APLF: variants seen among roughly 807,000 people sequenced by gnomAD.
The protein encoded by APLF is aprataxin and PNK-like factor.
APLF carries 61 observed loss-of-function variants against 55.6 expected under a neutral mutation model. The ratio of observed to expected loss-of-function variants is 1.10; its 90% CI spans 0.89 to 1.36. The LOEUF is 1.36. Among genes scored for constraint, APLF ranks in the 40% most tolerant of loss-of-function variants. The pLI, the probability that APLF is intolerant of heterozygous loss-of-function variation, is 0.00. For synonymous variants in APLF, 207 were observed against 214.8 expected, an observed-to-expected ratio of 0.96 and a Z score of 0.32; for missense variants, 611 against 602.5, an observed-to-expected ratio of 1.01 and a Z score of -0.15.
chr2:68,521,239 G>A (rs1489330179), intron 5 of APLF, among the ~76,000 whole-genome samples: 2 of 151,796 alleles, frequency 1.3e-5, no homozygotes, highest in Admixed American at 1.3e-4. Context: ...TTGTTTGGAT[G>A]CATCTCTTGG....
intron 3 of APLF, among the ~76,000 whole-genome samples, chr2:68,507,512 C>T (rs1408047960): frequency 1.3e-5 from 2 of 151,866 alleles, no homozygotes; most frequent in African/African-American, 4.8e-5. Context: ...ACATATGTGT[C>T]TATGAAATTA....
chr2:68,558,209 G>T (rs1573262039), intron 8 of APLF, among the ~76,000 whole-genome samples: 1 of 152,058 alleles, frequency 6.6e-6, no homozygotes, highest in Non-Finnish European at 1.5e-5. Flanking sequence ...TTCATTTAAT[G>T]TGCATTAATT....
chr2:68,472,213 G>A (rs1675638569), intron 1 of APLF, among the ~76,000 whole-genome samples: 1 of 152,152 alleles, frequency 6.6e-6, no homozygotes, highest in Non-Finnish European at 1.5e-5. Flanking sequence ...ACCTGAAAGA[G>A]TGCCTGGCTC....
At chr2:68,482,241 C>A (rs533372571) in intron 1 of APLF, among the ~76,000 whole-genome samples, 2 of 152,026 alleles carry the variant, frequency 1.3e-5, no homozygotes, top group Non-Finnish European at 2.9e-5. Flanking sequence ...GTAGCTTTCA[C>A]AGGGAAAGAC....
At chr2:68,500,153 G>T (rs1300169190) in intron 2 of APLF, among the ~76,000 whole-genome samples, 1 of 152,108 alleles carries the variant, frequency 6.6e-6, no homozygotes, top group Non-Finnish European at 1.5e-5. Flanking sequence ...TAGCATTTTA[G>T]TTGGAGTATA....
At chr2:68,500,308 A>G (rs1234059084) in intron 2 of APLF, among the ~76,000 whole-genome samples, 1 of 152,194 alleles carries the variant, frequency 6.6e-6, no homozygotes, top group Non-Finnish European at 1.5e-5. Flanking sequence ...AAAGGAAAAG[A>G]TGATCATGGA....
chr2:68,527,809 C>T (rs1670116493), intron 6 of APLF, among the ~76,000 whole-genome samples: 1 of 150,258 alleles, frequency 6.7e-6, no homozygotes. Flanking sequence ...CTCCTCACTG[C>T]CCAGATGGTG....
rs1039152342 is a variant in APLF, at chr2:68,578,452, C to T, written c.*430C>T. On this transcript the variant is annotated 3_prime_UTR_variant, in exon 10 of 10. Transcript: ENST00000303795. ...ATTGTTACTGAAGTAATTCTGTAAG[C>T]AGAACCAGGCTTTAAAAAATGCAGC... 5.0e-5 allele frequency: 49 copies of T among 987,486 alleles called. No homozygotes were observed. The highest frequency in any genetic ancestry group is 5.5e-5 in the Non-Finnish European group (46 of 831,586). 61.2% of individuals were successfully genotyped at this position (987,486 alleles called of 1,614,324 possible).
At chr2:68,515,809 A>G (rs1669562895) in intron 5 of APLF, 1 of 899,152 alleles carries the variant, frequency 1.1e-6, no homozygotes, top group Non-Finnish European at 1.3e-6. Context: ...TAATTCCTTT[A>G]AAGACAGTTT....
At chr2:68,506,323 C>T (rs1033133508) in intron 3 of APLF, among the ~76,000 whole-genome samples, 11 of 143,388 alleles carry the variant, frequency 7.7e-5, no homozygotes, top group South Asian at 6.2e-4. Flanking sequence ...GATGTCTACC[C>T]GGGGGAGGCA....
intron 3 of APLF, among the ~76,000 whole-genome samples, chr2:68,508,952 C>G (rs1032174634): frequency 6.6e-5 from 10 of 151,934 alleles, no homozygotes; most frequent in African/African-American, 1.9e-4. Context: ...ACAAACCTGA[C>G]AAAAACAAGA....
chr2:68,572,426 C>G (rs1671495296), intron 9 of APLF, among the ~76,000 whole-genome samples: 1 of 151,874 alleles, frequency 6.6e-6, no homozygotes, highest in South Asian at 2.1e-4. Context: ...CTAATTAGTC[C>G]TAAGATTTAA....
At chr2:68,469,016 GTGTGT>G (rs753787470) in intron 1 of APLF, among the ~76,000 whole-genome samples, 6,548 of 144,356 alleles carry the variant, frequency 0.045, 349 homozygotes, top group African/African-American at 0.15. Flanking sequence ...GTGTGTGTGT[GTGTGT>G]TGTGTGTTGT....
chr2:68,517,404 T>C, intron 5 of APLF, among the ~76,000 whole-genome samples: 1 of 126,792 alleles, frequency 7.9e-6, no homozygotes, highest in South Asian at 2.4e-4. Flanking sequence ...TATATATTAA[T>C]ATATCTATAT....
At chr2:68,477,621 CAG>C (rs1293221504) in intron 1 of APLF, among the ~76,000 whole-genome samples, 1 of 152,142 alleles carries the variant, frequency 6.6e-6, no homozygotes, top group Non-Finnish European at 1.5e-5. Context: ...GCCTGAGTGA[CAG>C]AGTGAGACCC....
chr2:68,526,306 A>T, intron 6 of APLF, 64 bp downstream of exon 6: 1 of 1,518,636 alleles, frequency 6.6e-7, no homozygotes, highest in Non-Finnish European at 9.0e-7. Context: ...GAAATTAATC[A>T]TATGCTATAT....
At chr2:68,483,213 TG>T (rs991176738) in intron 1 of APLF, among the ~76,000 whole-genome samples, 1 of 152,156 alleles carries the variant, frequency 6.6e-6, no homozygotes. Context: ...GAGCTCCTAC[TG>T]TGGAGTAATG....
chr2:68,482,876 G>C lies in APLF; in HGVS notation c.97-7314G>C, dbSNP rs183307146. ...GAGCTCACAATGGTTTGGCTAGCTT[G>C]GGGAAGTGCGTACCAGGGGTGGGCT... On this transcript the variant is annotated intron_variant, in intron 1 of 9. Coordinates refer to ENST00000303795, the MANE Select transcript of APLF (RefSeq NM_173545.3). 1.1e-4 allele frequency among the ~76,000 whole-genome samples: 17 copies of C among 152,198 alleles called. No individual in the cohort carries two copies. The East Asian group carries it at 1.9e-3, about 17-fold the overall frequency.
chr2:68,566,912 G>A (rs1220299358), intron 8 of APLF, among the ~76,000 whole-genome samples: 4 of 151,790 alleles, frequency 2.6e-5, no homozygotes, highest in Non-Finnish European at 5.9e-5. Flanking sequence ...AAAGAATACT[G>A]TTTTCTTTAG....
Sources: allele counts gnomAD v4.1 joint callset (sites outside exome capture counted in the v4.1 genomes callset), GRCh38; gene constraint gnomAD v4.1.1; transcripts MANE v1.5; gene names NCBI Gene and HGNC (gene_info 2026-07-23, HGNC 2026-07-21).